The following PMEL variants were observed in gnomAD, a reference collection of about 807,000 sequenced individuals.
The protein encoded by PMEL is premelanosome protein, also known as melanocyte protein PMEL.
A neutral mutation model predicts 64.9 loss-of-function variants in PMEL; 53 were observed. The ratio of observed to expected loss-of-function variants is 0.82; its 90% confidence interval spans 0.66 to 1.03. The LOEUF (loss-of-function observed/expected upper bound fraction) is 1.03. Among genes scored for constraint, PMEL ranks in the 50% least tolerant of loss-of-function variants. The pLI is 0.00. For synonymous variants in PMEL, 299 were observed against 316.2 expected (o/e 0.95, Z 0.58); for missense variants, 716 against 814.9 (o/e 0.88, Z 1.48).
chr12:55,966,705 G>A (rs1889315777), upstream of PMEL: 1 of 1,120,508 alleles, frequency 8.9e-7, no homozygotes, highest in African/African-American at 1.6e-5. Flanking sequence ...GCGGGGAGGA[G>A]CGCTGGGCTC....
In PMEL at chr12:55,957,246, C is replaced by T. The variant is rs147766748; in HGVS notation, c.1057G>A (p.Val353Met). Residue 353 changes from valine (V) to methionine (M), a missense_variant, in exon 6 of 11, where the codon GTG becomes ATG. Physicochemically the swap from Val to Met is conservative, Grantham distance 21 (BLOSUM62 1). Transcript: ENST00000548747. ...AEPSGTTSVQVPTTEVISTAP... is the reference protein window; with the variant it reads ...AEPSGTTSVQMPTTEVISTAP... ...GTGCTTATGACTTCAGTGGTTGGCACCTGCACAGATGTGGTTCCAGAGGGC... is the reference window on the plus strand; with the variant it reads ...GTGCTTATGACTTCAGTGGTTGGCATCTGCACAGATGTGGTTCCAGAGGGC... 1.1e-5 allele frequency: 17 copies of T among 1,614,122 alleles called. No homozygotes were observed. The highest frequency in any genetic ancestry group is 1.4e-5 in the Non-Finnish European group (17 of 1,179,994).
chr12:55,964,053 C>A (rs886327833), intron 1 of PMEL, among the ~76,000 whole-genome samples: 2 of 152,060 alleles, frequency 1.3e-5, no homozygotes, highest in African/African-American at 2.4e-5. Flanking sequence ...GCACGTTCAT[C>A]ACTCACTGCA....
chr12:55,958,712 T>G (rs1429353783), intron 3 of PMEL, 105 bp from the exon 4 acceptor site: 1 of 1,155,520 alleles, frequency 8.7e-7, no homozygotes, highest in East Asian at 2.4e-5. Flanking sequence ...CTGGGAATAT[T>G]CCCTAGCTAG....
At position 55,961,641 on chromosome 12, in the gene PMEL, CTG is replaced by C. The variant is rs1261718943; in HGVS notation, c.166_167del (p.Gln56GlufsTer3). 2 of 1,613,932 alleles carry C rather than the reference CTG, an allele frequency of 1.2e-6. No homozygotes were observed. On this transcript the variant is annotated frameshift_variant, in exon 2 of 11. Transcript: ENST00000548747. LOFTEE classifies it high-confidence loss of function. Reference sequence around the variant, plus strand: ...TCCTACCTCTCCAGCAGTCAAGTCTCTGGGCTTCTGTCCACTCTGGATACAGC... The same window carrying C: ...TCCTACCTCTCCAGCAGTCAAGTCTCGGCTTCTGTCCACTCTGGATACAGC... ...RQLYPEWTEA[Q>X]RLDCWRGGQV...
chr12:55,958,387 G>A (rs1888976656), intron 4 of PMEL, 86 bp downstream of exon 4: 2 of 1,363,472 alleles, frequency 1.5e-6, no homozygotes, highest in Non-Finnish European at 2.0e-6. Context: ...AGAAGTTAAG[G>A]TGGAAGGGGC....
In PMEL at chr12:55,955,883, T is replaced by C. The variant is rs1888864690; in HGVS notation, c.1472-20A>G. ...TACCCTCTGCAGAGTTGCAAGCTTA[T>C]CAAATTAGGATTCCTCTACCTGGCC... On this transcript the variant is annotated intron_variant, in intron 7 of 10. Coordinates refer to ENST00000548747, the MANE Select transcript of PMEL (RefSeq NM_001384361.1). 5 of 1,608,482 alleles carry C rather than the reference T, an allele frequency of 3.1e-6. No individual in the cohort carries two copies. The South Asian group carries it at 5.5e-5, about 18-fold the overall frequency.
Position 55,955,620 on chromosome 12 carries a change from G to C in PMEL, c.1606C>G (p.Pro536Ala), listed in dbSNP as rs1222888272. 1.9e-6 allele frequency: 3 copies of C among 1,613,724 alleles called. No individual in the cohort carries two copies. The highest frequency in any genetic ancestry group is 1.7e-6 in the Non-Finnish European group (2 of 1,179,966). ...MEISSPGCQP[P>A]AQRLCQPVLP... ...ACAGGCTGGCACAGCCGCTGGGCAG[G>C]GGGCTGGCACCCTGGCGATGAGATC... is the stretch of plus-strand genomic sequence containing the variant. Residue 536 changes from proline (P) to alanine (A), a missense_variant, in exon 9 of 11, where the codon CCT becomes GCT. Transcript: ENST00000548747.
At position 55,958,318 on chromosome 12, in the gene PMEL, G is replaced by A. The variant is rs1057009103; in HGVS notation, c.469+155C>T. ...AAAGAATTATGATAGAGTTGAAGGG[G>A]GCTAGGTGCTAAGAAAGAGAAAAGA... is the stretch of plus-strand genomic sequence containing the variant. On this transcript the variant is annotated intron_variant, in intron 4 of 10. Coordinates refer to ENST00000548747, the MANE Select transcript of PMEL (RefSeq NM_001384361.1). 1.1e-5 allele frequency: 9 copies of A among 825,556 alleles called. No homozygotes were observed. In the African/African-American group the frequency reaches 1.5e-4, roughly 14 times the overall value. The allele number at this position is 825,556 out of a possible 1,614,324, so 51.1% of individuals were successfully genotyped here.
chr12:55,964,635 T>C (rs905566329), intron 1 of PMEL, among the ~76,000 whole-genome samples: 2 of 152,006 alleles, frequency 1.3e-5, no homozygotes, highest in Non-Finnish European at 2.9e-5. Context: ...CTTTTCTTTT[T>C]TTATTTTTTT....
In PMEL at chr12:55,965,077, G is replaced by A. The variant is rs937237695; in HGVS notation, c.76+859C>T. Among the ~76,000 whole-genome samples, 10 of 149,840 alleles carry A rather than the reference G, an allele frequency of 6.7e-5. 1 individual carries two copies. Among genetic ancestry groups the A allele is most frequent in the South Asian group, 4.3e-4 (2 of 4,680 alleles). The stretch of plus-strand genomic sequence containing the variant: ...TGAGTAGCTGGGACTACAGGCATGT[G>A]CCACCATGCCCAGCTAATTTTTGTA... On this transcript the variant is annotated intron_variant, in intron 1 of 10. Transcript: ENST00000548747.
intron 3 of PMEL, 32 bp from the exon 4 acceptor site, chr12:55,958,639 C>T: frequency 1.3e-6 from 2 of 1,599,728 alleles, no homozygotes; most frequent in East Asian, 2.2e-5. Context: ...ACTCTCAAAC[C>T]CTGGCATTCT....
chr12:55,965,896 C>T (rs763450515), intron 1 of PMEL, 40 bp downstream of exon 1: 1 of 1,613,222 alleles, frequency 6.2e-7, no homozygotes, highest in East Asian at 2.2e-5. Context: ...GAATTCATCC[C>T]CAAGTTCACA....
At chr12:55,962,075 A>T (rs913727684) in intron 1 of PMEL, among the ~76,000 whole-genome samples, 1 of 151,970 alleles carries the variant, frequency 6.6e-6, no homozygotes, top group African/African-American at 2.4e-5. Flanking sequence ...ACCTTAGGTG[A>T]TCTGCCTGCT....
chr12:55,966,618 A>C, upstream of PMEL: 1 of 997,988 alleles, frequency 1.0e-6, no homozygotes, highest in Non-Finnish European at 1.2e-6. Context: ...GTACTTGGGA[A>C]GAGTGTTCAG....
At chr12:55,955,398 T>C in intron 9 of PMEL, 37 bp from the exon 10 acceptor site, 1 of 1,611,864 alleles carries the variant, frequency 6.2e-7, no homozygotes, top group Non-Finnish European at 8.5e-7. Context: ...TCACTCAGTG[T>C]CTGCTGCTTG....
chr12:55,956,062 C>T, intron 7 of PMEL, 41 bp downstream of exon 7: 6 of 1,415,278 alleles, frequency 4.2e-6, no homozygotes, highest in Non-Finnish European at 6.0e-6. Flanking sequence ...CTAGGTAGCA[C>T]ACAGCTGCCT....
chr12:55,962,445 T>C (rs1376068696), intron 1 of PMEL, among the ~76,000 whole-genome samples: 1 of 76,128 alleles, frequency 1.3e-5, no homozygotes, highest in Non-Finnish European at 2.2e-5. Context: ...TAAGACTCCA[T>C]CTCAAAAAAA....
At chr12:55,966,594 T>A, upstream of PMEL, 1 of 813,908 alleles carries the variant, frequency 1.2e-6, no homozygotes, top group Non-Finnish European at 1.5e-6. Context: ...GTAGGAAACT[T>A]GGACCCAAAG....
intron 6 of PMEL, 124 bp downstream of exon 6, chr12:55,956,825 G>C: frequency 9.7e-7 from 1 of 1,033,464 alleles, no homozygotes; most frequent in African/African-American, 1.6e-5. Context: ...CCAGGCCAGT[G>C]AGAACTCTGA....
Sources: allele counts gnomAD v4.1 joint callset (sites outside exome capture counted in the v4.1 genomes callset), GRCh38; gene constraint gnomAD v4.1.1; transcripts MANE v1.5; gene names NCBI Gene and HGNC (gene_info 2026-07-23, HGNC 2026-07-21).